HYDIN: variants seen among roughly 807,000 people sequenced by gnomAD.
HYDIN encodes the protein axonemal central pair apparatus protein HYDIN.
HYDIN carries 132 observed loss-of-function variants against 403.9 expected under a neutral mutation model. That is an observed-to-expected ratio of 0.33 (90% CI 0.28 to 0.38). The LOEUF is 0.38. HYDIN is among the 10% of genes least tolerant of loss of function. HYDIN has a pLI of 1.00. For missense variants in HYDIN, 2,827 were observed against 5,009.5 expected (o/e 0.56, Z 13.15); for synonymous variants, 1,202 against 1,891.7 (o/e 0.64, Z 9.46).
intron 16 of HYDIN, chr16:71,062,535 A>G: frequency 1.9e-6 from 1 of 530,340 alleles, no homozygotes; most frequent in South Asian, 2.7e-5. Flanking sequence ...CAAAATTCAA[A>G]GTGCCCAGCA....
chr16:70,918,108 C>T lies in HYDIN; in HGVS notation c.8004+103G>A, dbSNP rs548010117. 5 of 433,504 alleles carry T rather than the reference C, an allele frequency of 1.2e-5. 1 individual carries two copies. The highest frequency in any genetic ancestry group is 3.3e-5 in the Admixed American group (1 of 30,018). 26.9% of individuals were successfully genotyped at this position (433,504 alleles called of 1,614,324 possible). On this transcript the variant is annotated intron_variant, in intron 47 of 85. Coordinates refer to ENST00000393567, the MANE Select transcript of HYDIN (RefSeq NM_001270974.2). ...AGGGAAAATAACCCAGCGAGCAGAA[C>T]ACCTCATGCCAGGCTCCATTTTTGG...
At chr16:70,884,609 A>T (rs1468743291) in intron 58 of HYDIN, among the ~76,000 whole-genome samples, 1 of 151,850 alleles carries the variant, frequency 6.6e-6, no homozygotes, top group Non-Finnish European at 1.5e-5. Context: ...CCGACCCCAG[A>T]GATTGCTGGA....
intron 28 of HYDIN, among the ~76,000 whole-genome samples, chr16:70,982,008 G>A (rs2079060030): frequency 6.6e-6 from 1 of 151,006 alleles, no homozygotes; most frequent in African/African-American, 2.4e-5. Flanking sequence ...GGCACCTGTA[G>A]TCCCAGCTAC....
chr16:71,078,723 C>T (rs2082692246), intron 13 of HYDIN, among the ~76,000 whole-genome samples: 1 of 152,118 alleles, frequency 6.6e-6, no homozygotes, highest in Non-Finnish European at 1.5e-5. Context: ...CTGGGCTGGT[C>T]TTGAACTCCT....
intron 47 of HYDIN, among the ~76,000 whole-genome samples, chr16:70,911,289 T>A (rs1339714198): frequency 3.4e-5 from 5 of 147,644 alleles, no homozygotes; most frequent in African/African-American, 5.0e-5. Context: ...GATTTTTGTA[T>A]AAGGTGAGAG....
Position 71,093,797 on chromosome 16 carries a change from C to T in HYDIN, c.1446+20G>A, listed in dbSNP as rs3859177. On this transcript the variant is annotated intron_variant, in intron 11 of 85. Transcript: ENST00000393567. Reference sequence around the variant, plus strand: ...AGCCAAGTACTGTTTGAAGTATCAACGAACAACTCTAGTGCTTACCTCATA... The same window carrying T: ...AGCCAAGTACTGTTTGAAGTATCAATGAACAACTCTAGTGCTTACCTCATA... 18 of 1,607,410 alleles carry T rather than the reference C, an allele frequency of 1.1e-5. 1 individual carries two copies. Among genetic ancestry groups the T allele is most frequent in the Middle Eastern group, 1.7e-4 (1 of 6,058 alleles).
At chr16:71,119,586 C>T (rs1436029026) in intron 9 of HYDIN, among the ~76,000 whole-genome samples, 3 of 149,946 alleles carry the variant, frequency 2.0e-5, no homozygotes, top group Admixed American at 1.3e-4. Flanking sequence ...AAACTCCTCT[C>T]CTGGGCTTGG....
intron 12 of HYDIN, among the ~76,000 whole-genome samples, chr16:71,083,990 G>A (rs1482688976): frequency 7.3e-6 from 1 of 137,846 alleles, no homozygotes; most frequent in Admixed American, 7.5e-5. Context: ...CCATCCAAGT[G>A]AGTGTGAAGT....
chr16:70,955,333 T>C, intron 40 of HYDIN, 42 bp downstream of exon 40: 2 of 1,446,340 alleles, frequency 1.4e-6, no homozygotes, highest in African/African-American at 1.4e-5. Flanking sequence ...AGTGGGGGTG[T>C]TGGTGACTTG....
intron 8 of HYDIN, among the ~76,000 whole-genome samples, chr16:71,130,641 C>T (rs1321578435): frequency 2.4e-4 from 37 of 151,508 alleles, no homozygotes; most frequent in Admixed American, 7.9e-4. Context: ...GCGCCCGCCA[C>T]CGCGCCCGGC....
In HYDIN at chr16:70,991,300, A is replaced by G. The variant is rs1022749858; in HGVS notation, c.3864+18T>C. 5 of 1,613,596 alleles carry G rather than the reference A, an allele frequency of 3.1e-6. No homozygotes were observed. In the African/African-American group the frequency reaches 6.7e-5, roughly 22 times the overall value. On this transcript the variant is annotated intron_variant, in intron 25 of 85. Coordinates refer to ENST00000393567, the MANE Select transcript of HYDIN (RefSeq NM_001270974.2). The stretch of plus-strand genomic sequence containing the variant: ...GACCCTTGACCTGCCTACCCTCCCC[A>G]TGGAAAGGACACCGTACATCTGAGA...
rs1479653872 is a variant in HYDIN, at chr16:70,908,828, C to T, written c.8038G>A (p.Gly2680Ser). ...ATCTTTTCTTTCATTTTCTGTTTGC[C>T]CCCCTTAGATGAGCTGGTCTGCTCC... ...QEEQTSSSKG[G>S]KQKMKEKIDQ... The change falls in exon 48 of 86, where the codon GGC becomes AGC. Residue 2680 changes from glycine (G) to serine (S), a missense_variant. Coordinates refer to ENST00000393567, the MANE Select transcript of HYDIN (RefSeq NM_001270974.2). The T allele has an allele frequency of 1.9e-6, 3 of 1,614,116 alleles. No individual in the cohort carries two copies. Among genetic ancestry groups the T allele is most frequent in the Admixed American group, 1.7e-5 (1 of 60,016 alleles).
chr16:71,173,148 C>A (rs1192732968), intron 5 of HYDIN, among the ~76,000 whole-genome samples: 2 of 152,176 alleles, frequency 1.3e-5, no homozygotes, highest in East Asian at 3.8e-4. Context: ...AGAGCCAAGT[C>A]CAACACAAGA....
At chr16:71,130,305 T>C (rs529426903) in intron 8 of HYDIN, among the ~76,000 whole-genome samples, 1 of 152,172 alleles carries the variant, frequency 6.6e-6, no homozygotes, top group East Asian at 1.9e-4. Flanking sequence ...GTGATCTGTT[T>C]ACTAGCTCTG....
At chr16:70,810,249 G>C (rs2035390591) in intron 84 of HYDIN, among the ~76,000 whole-genome samples, 2 of 152,096 alleles carry the variant, frequency 1.3e-5, no homozygotes, top group Admixed American at 1.3e-4. Context: ...GCAGGTGCTG[G>C]ACTGTCTCCT....
At chr16:71,222,781 C>G (rs1370336871) in intron 1 of HYDIN, among the ~76,000 whole-genome samples, 1 of 152,134 alleles carries the variant, frequency 6.6e-6, no homozygotes, top group African/African-American at 2.4e-5. Flanking sequence ...ATATACTTAA[C>G]CAAGTAGGGG....
chr16:71,069,362 A>C lies in HYDIN; in HGVS notation c.1879T>G (p.Trp627Gly). 6.2e-7 allele frequency: 1 copy of C among 1,614,192 alleles called. No homozygotes were observed. Among genetic ancestry groups the C allele is most frequent in the Non-Finnish European group, 8.5e-7 (1 of 1,180,032 alleles). The part of the protein sequence containing the change: ...EQHVDYKRPS[W>G]TKEEISSMKP... Reference sequence around the variant, plus strand: ...ATTGAGGATATTTCTTCCTTGGTCCAAGATGGTCTTTTGTAGTCCACATGC... The same window carrying C: ...ATTGAGGATATTTCTTCCTTGGTCCCAGATGGTCTTTTGTAGTCCACATGC... The change falls in exon 14 of 86, where the codon TGG becomes GGG. Residue 627 changes from tryptophan (W) to glycine (G), a missense_variant. Transcript: ENST00000393567.
At position 70,829,656 on chromosome 16, in the gene HYDIN, T is replaced by A. The variant is rs1220586591; in HGVS notation, c.14074A>T (p.Arg4692Trp). ...TTCTCCAAGTTCATGGTGCGGGGCC[T>A]GTAGGTGATCTCATAGGGCTTGTTT... ...QQNKPYEITY[R>W]PRTMNLENRK... The change falls in exon 81 of 86, where the codon AGG becomes TGG. Residue 4692 changes from arginine (R) to tryptophan (W), a missense_variant. Transcript: ENST00000393567. 6.2e-7 allele frequency: 1 copy of A among 1,613,462 alleles called. No individual in the cohort carries two copies. The highest frequency in any genetic ancestry group is 2.2e-5 in the East Asian group (1 of 44,904).
chr16:71,034,867 G>A lies in HYDIN; in HGVS notation c.2530-2950C>T, dbSNP rs996897056. Among the ~76,000 whole-genome samples the A allele has an allele frequency of 2.7e-5, 4 of 149,830 alleles. No homozygotes were observed. The South Asian group carries it at 8.5e-4, about 32-fold the overall frequency. On this transcript the variant is annotated intron_variant, in intron 18 of 85. Transcript: ENST00000393567. ...TTATTACTCATAATCTTCAAATATG[G>A]AAAATCCCAAAAAGACATAGAAATA... is the stretch of plus-strand genomic sequence containing the variant.
Sources: allele counts gnomAD v4.1 joint callset (sites outside exome capture counted in the v4.1 genomes callset), GRCh38; gene constraint gnomAD v4.1.1; transcripts MANE v1.5; gene names NCBI Gene and HGNC (gene_info 2026-07-23, HGNC 2026-07-21).